The following LRRC9 variants were observed in gnomAD, a reference collection of about 807,000 sequenced individuals.
The protein encoded by LRRC9 is leucine rich repeat containing 9.
LRRC9 carries 122 observed loss-of-function variants against 63.2 expected under a neutral mutation model. That is an observed-to-expected ratio of 1.93 (90% CI 1.67 to 2.24). The LOEUF (loss-of-function observed/expected upper bound fraction) is 2.24, where lower values mean the gene tolerates loss of function less well. Among genes scored for constraint, LRRC9 ranks in the 30% most tolerant of loss-of-function variants. The pLI is 0.00. For missense variants in LRRC9, 1,071 were observed against 627.7 expected (o/e 1.71, Z -7.55); for synonymous variants, 366 against 213.1 (o/e 1.72, Z -6.25).
At position 59,936,863 on chromosome 14, in the gene LRRC9, CT is replaced by C. The variant is rs1890178046; in HGVS notation, c.544-1523del. ...TCCAGCAACCTGACTTCACTATTCC[CT>C]TTTCCATTCCATTTTTACTGTAGCT... On this transcript the variant is annotated intron_variant, in intron 6 of 31. Transcript: ENST00000445360. This position sits in a 1 kb window ranked among gnomAD's most constrained non-coding sequence, Gnocchi z 4.2. 6.6e-6 allele frequency among the ~76,000 whole-genome samples: 1 copy of C among 152,160 alleles called. No individual in the cohort carries two copies. The highest frequency in any genetic ancestry group is 6.5e-5 in the Admixed American group (1 of 15,268).
At chr14:60,022,297 G>A (rs917774942) in intron 26 of LRRC9, among the ~76,000 whole-genome samples, 1 of 151,552 alleles carries the variant, frequency 6.6e-6, no homozygotes, top group Non-Finnish European at 1.5e-5. Context: ...ATTATTTATT[G>A]CTGGTAGGTA....
At position 60,046,804 on chromosome 14, in the gene LRRC9, G is replaced by C. The variant is rs190052498; in HGVS notation, c.3991-6261G>C. ...TTCTAAATCTGTGAAGAATGTCAAT[G>C]GCAGTTTAATAGGAAGAACACTGCA... On this transcript the variant is annotated intron_variant, in intron 29 of 31. Transcript: ENST00000445360. 1.6e-3 allele frequency among the ~76,000 whole-genome samples: 243 copies of C among 152,250 alleles called. 2 individuals are homozygous for C. Among genetic ancestry groups the C allele is most frequent in the African/African-American group, 5.2e-3 (214 of 41,538 alleles).
At position 60,013,842 on chromosome 14, in the gene LRRC9, G is replaced by A. The variant is rs186508848; in HGVS notation, c.3187-2818G>A. ...TGTTGACAACATACAGTTGGATCAT[G>A]TTCTTTTACCTTTTAGCTAATTTTT... On this transcript the variant is annotated intron_variant, in intron 23 of 31. Coordinates refer to ENST00000445360, the Ensembl canonical transcript of LRRC9. Among the ~76,000 whole-genome samples, 54 of 152,182 alleles carry A rather than the reference G, an allele frequency of 3.5e-4. 1 individual carries two copies. Among genetic ancestry groups the A allele is most frequent in the East Asian group, 3.5e-3 (18 of 5,186 alleles).
chr14:60,021,045 T>C (rs1891078637), intron 26 of LRRC9, among the ~76,000 whole-genome samples: 1 of 151,956 alleles, frequency 6.6e-6, no homozygotes, highest in African/African-American at 2.4e-5. Context: ...TAACTTAACA[T>C]TTAGCTATTT....
intron 26 of LRRC9, among the ~76,000 whole-genome samples, chr14:60,020,822 A>G (rs1465078370): frequency 6.6e-6 from 1 of 151,954 alleles, no homozygotes; most frequent in Non-Finnish European, 1.5e-5. Context: ...TTATTGCTGA[A>G]TATATTGGCC....
chr14:60,045,277 T>G (rs1469324568), intron 29 of LRRC9, among the ~76,000 whole-genome samples: 1 of 152,156 alleles, frequency 6.6e-6, no homozygotes, highest in Non-Finnish European at 1.5e-5. Flanking sequence ...ATTTCAACTT[T>G]TATTTTAAGT....
intron 10 of LRRC9, among the ~76,000 whole-genome samples, chr14:59,965,680 G>A (rs1200664301): frequency 1.3e-5 from 2 of 151,858 alleles, no homozygotes; most frequent in South Asian, 2.1e-4. Flanking sequence ...TCAGGAGATT[G>A]AGACCATCCT....
intron 29 of LRRC9, among the ~76,000 whole-genome samples, chr14:60,035,120 A>T (rs536934645): frequency 6.6e-6 from 1 of 151,462 alleles, no homozygotes; most frequent in South Asian, 2.1e-4. Flanking sequence ...TTTTTTTGTA[A>T]ACCTGTTGGC....
exon 3 of LRRC9, chr14:59,928,352 C>A: frequency 1.4e-6 from 1 of 690,118 alleles, no homozygotes; most frequent in Admixed American, 2.1e-5. Context: ...CTTAGGGTAT[C>A]CTCGTATAGT....
intron 21 of LRRC9, 132 bp from the exon 22 acceptor site, chr14:60,006,265 G>A (rs1206876426): frequency 1.8e-6 from 1 of 546,282 alleles, no homozygotes; most frequent in African/African-American, 1.9e-5. Context: ...AGCAATGATG[G>A]TTAGTATTAC....
chr14:59,934,968 A>G (rs1407603628), intron 6 of LRRC9, among the ~76,000 whole-genome samples: 2 of 152,066 alleles, frequency 1.3e-5, no homozygotes, highest in African/African-American at 4.8e-5. Flanking sequence ...CAATCCTACT[A>G]AGAATGAATA....
At chr14:59,992,075 C>T (rs1264536946) in intron 17 of LRRC9, among the ~76,000 whole-genome samples, 1 of 152,172 alleles carries the variant, frequency 6.6e-6, no homozygotes, top group Non-Finnish European at 1.5e-5. Context: ...TAAGGGCAGA[C>T]TGACACCTCA....
intron 29 of LRRC9, among the ~76,000 whole-genome samples, chr14:60,043,925 A>G (rs1236336705): frequency 6.6e-6 from 1 of 151,838 alleles, no homozygotes; most frequent in Non-Finnish European, 1.5e-5. Context: ...CAGTGAATTC[A>G]TCAGGTACTG....
At position 60,004,698 on chromosome 14, in the gene LRRC9, A is replaced by C. The variant is rs1227027103; in HGVS notation, c.2842+900A>C. On this transcript the variant is annotated intron_variant, in intron 21 of 31. Coordinates refer to ENST00000445360, the Ensembl canonical transcript of LRRC9. The surrounding 1 kb of genome is among the most constrained non-coding windows in gnomAD (Gnocchi z 4.8). ...GTCAAGTATTTTCTGACTCCTCCCCAGCTTTATTTTATTCTTACCTTCATT... is the reference window on the plus strand; with the variant it reads ...GTCAAGTATTTTCTGACTCCTCCCCCGCTTTATTTTATTCTTACCTTCATT... 6.6e-6 allele frequency among the ~76,000 whole-genome samples: 1 copy of C among 151,728 alleles called. No homozygotes were observed. Among genetic ancestry groups the C allele is most frequent in the African/African-American group, 2.4e-5 (1 of 41,410 alleles).
rs1356518337 is a variant in LRRC9, at chr14:59,942,841, T to A, written c.727-1748T>A. ...CTAGGTGAGATTATATTGTGATTTT[T>A]ATTTGCATTTCCATGATGGTTAGTT... is the stretch of plus-strand genomic sequence containing the variant. On this transcript the variant is annotated intron_variant, in intron 7 of 31. Coordinates refer to ENST00000445360, the Ensembl canonical transcript of LRRC9. The surrounding 1 kb of genome is among the most constrained non-coding windows in gnomAD (Gnocchi z 5.3). Among the ~76,000 whole-genome samples, 1 of 152,188 alleles carries A rather than the reference T, an allele frequency of 6.6e-6. No homozygotes were observed. Among genetic ancestry groups the A allele is most frequent in the Non-Finnish European group, 1.5e-5 (1 of 68,036 alleles).
chr14:59,957,248 C>T (rs1382151830), intron 8 of LRRC9, among the ~76,000 whole-genome samples: 1 of 152,182 alleles, frequency 6.6e-6, no homozygotes, highest in Non-Finnish European at 1.5e-5. Context: ...TTCTCCCCAT[C>T]ACTTTCAGGG....
intron 29 of LRRC9, among the ~76,000 whole-genome samples, chr14:60,037,017 T>C (rs1350265430): frequency 6.6e-6 from 1 of 152,120 alleles, no homozygotes; most frequent in Non-Finnish European, 1.5e-5. Flanking sequence ...CATGTGGTGT[T>C]TGGTTTTCTG....
At chr14:59,995,972 C>T (rs1293955455) in intron 17 of LRRC9, among the ~76,000 whole-genome samples, 1 of 152,038 alleles carries the variant, frequency 6.6e-6, no homozygotes, top group Non-Finnish European at 1.5e-5. Context: ...AATTTCTTGA[C>T]CTCGTGATCC....
Position 59,962,564 on chromosome 14 carries a change from C to A in LRRC9, c.1211+1519C>A, listed in dbSNP as rs958299084. Reference sequence around the variant, plus strand: ...GATTATAGGTGCATGCCACCACACCCACTAATTTTTGTATTTTTAGTGGAG... The same window carrying A: ...GATTATAGGTGCATGCCACCACACCAACTAATTTTTGTATTTTTAGTGGAG... On this transcript the variant is annotated intron_variant, in intron 10 of 31. Transcript: ENST00000445360. The surrounding 1 kb of genome is among the most constrained non-coding windows in gnomAD (Gnocchi z 5.1). Among the ~76,000 whole-genome samples, 1 of 151,990 alleles carries A rather than the reference C, an allele frequency of 6.6e-6. No homozygotes were observed. Among genetic ancestry groups the A allele is most frequent in the Non-Finnish European group, 1.5e-5 (1 of 68,004 alleles).
Sources: gnomAD v4.1 joint callset for allele counts (sites outside exome capture counted in the v4.1 genomes callset) on GRCh38, gnomAD v4.1.1 for gene constraint, Gnocchi (gnomAD v3.1) non-coding constraint, MANE v1.5 for transcripts, NCBI Gene and HGNC (gene_info 2026-07-23, HGNC 2026-07-21) for gene names.